ADARB2: variants seen among roughly 807,000 people sequenced by gnomAD.
The protein encoded by ADARB2 is inactive double-stranded RNA-specific editase B2.
ADARB2 carries 25 observed loss-of-function variants against 62.2 expected under a neutral mutation model. That is an observed-to-expected ratio of 0.40 (90% CI 0.29 to 0.56). ADARB2 has a LOEUF of 0.56. Ranked by LOEUF, ADARB2 falls within the 20% of genes least tolerant of loss-of-function variation. The pLI, the probability that ADARB2 is intolerant of heterozygous loss-of-function variation, is 0.43. For synonymous variants in ADARB2, 572 were observed against 500.8 expected, an observed-to-expected ratio of 1.14 and a Z score of -1.90; for missense variants, 1,071 against 1,077.4, an observed-to-expected ratio of 0.99 and a Z score of 0.08.
chr10:1,623,012 G>A (rs1322450459), intron 1 of ADARB2, among the ~76,000 whole-genome samples: 1 of 152,122 alleles, frequency 6.6e-6, no homozygotes, highest in Non-Finnish European at 1.5e-5. Flanking sequence ...GCAAACTACG[G>A]ACACGCGCCC....
intron 3 of ADARB2, among the ~76,000 whole-genome samples, chr10:1,346,343 C>T (rs753613153): frequency 6.6e-6 from 1 of 152,162 alleles, no homozygotes; most frequent in African/African-American, 2.4e-5. Context: ...TCACCAACCG[C>T]GAGAACCCCT....
chr10:1,675,474 T>C, intron 1 of ADARB2: 1 of 971,690 alleles, frequency 1.0e-6, no homozygotes, highest in East Asian at 1.2e-4. Context: ...GAGGTTTGGG[T>C]TTGGGGGTAC....
intron 3 of ADARB2, among the ~76,000 whole-genome samples, chr10:1,286,273 G>A (rs1335862748): frequency 2.0e-5 from 3 of 152,074 alleles, no homozygotes; most frequent in South Asian, 4.1e-4. Flanking sequence ...AACACAAACC[G>A]AAGCCTCCGG....
At chr10:1,680,067 C>G (rs1834515883) in intron 1 of ADARB2, among the ~76,000 whole-genome samples, 1 of 152,084 alleles carries the variant, frequency 6.6e-6, no homozygotes, top group Non-Finnish European at 1.5e-5. Flanking sequence ...AGCCTGTTTG[C>G]TTGGCACCCA....
chr10:1,612,452 T>C lies in ADARB2; in HGVS notation c.100+124599A>G, dbSNP rs141187981. Among the ~76,000 whole-genome samples the C allele has an allele frequency of 3.3e-5, 5 of 152,364 alleles. No individual in the cohort carries two copies. The East Asian group carries it at 5.8e-4, about 18-fold the overall frequency. On this transcript the variant is annotated intron_variant, in intron 1 of 9. Transcript: ENST00000381312. ...AAAGCAGCAGGTGGTCATGAAATGTTGTTGAAACAGAGGCTAAGACAGGGC... is the reference window on the plus strand; with the variant it reads ...AAAGCAGCAGGTGGTCATGAAATGTCGTTGAAACAGAGGCTAAGACAGGGC...
chr10:1,391,731 A>C (rs11598577), intron 1 of ADARB2, among the ~76,000 whole-genome samples: 5,453 of 151,766 alleles, frequency 0.036, 156 homozygotes, highest in Non-Finnish European at 0.051. Flanking sequence ...AAAAATGATA[A>C]TAAAATGATA....
intron 3 of ADARB2, among the ~76,000 whole-genome samples, chr10:1,327,730 TCCCACGG>T (rs1831883871): frequency 2.4e-5 from 1 of 41,280 alleles, no homozygotes; most frequent in Non-Finnish European, 5.3e-5. Context: ...GTTCAGCACC[TCCCACGG>T]CACAGCGCCT....
At chr10:1,340,625 A>G (rs1462910119) in intron 3 of ADARB2, among the ~76,000 whole-genome samples, 1 of 33,544 alleles carries the variant, frequency 3.0e-5, no homozygotes, top group African/African-American at 1.1e-4. Context: ...TCCACCAGAG[A>G]ACCACACACC....
chr10:1,371,895 G>C (rs978228668), intron 2 of ADARB2, among the ~76,000 whole-genome samples: 12 of 56,878 alleles, frequency 2.1e-4, no homozygotes, highest in Admixed American at 1.5e-4. Flanking sequence ...TATGGAAAAC[G>C]GTACAGAGAT....
At chr10:1,665,337 C>T (rs925446283) in intron 1 of ADARB2, among the ~76,000 whole-genome samples, 2 of 152,262 alleles carry the variant, frequency 1.3e-5, no homozygotes, top group Non-Finnish European at 1.5e-5. Flanking sequence ...TGCGCAGACA[C>T]TGAGCGTGGC....
chr10:1,266,511 T>TGGGGGGGGGGGGGGGG (rs782182369), intron 4 of ADARB2, among the ~76,000 whole-genome samples: 3 of 128,442 alleles, frequency 2.3e-5, no homozygotes, highest in Admixed American at 8.1e-5. Context: ...TGGTGGGGGG[T>TGGGGGGGGGGGGGGGG]GGGGGGGGGG....
intron 1 of ADARB2, among the ~76,000 whole-genome samples, chr10:1,593,340 C>A (rs533419974): frequency 6.7e-6 from 1 of 148,560 alleles, no homozygotes; most frequent in East Asian, 2.1e-4. Context: ...TGGCCCAAAC[C>A]ACACTCTGTA....
intron 1 of ADARB2, among the ~76,000 whole-genome samples, chr10:1,638,592 G>A (rs1019767774): frequency 3.3e-5 from 5 of 151,928 alleles, no homozygotes; most frequent in African/African-American, 9.7e-5. Context: ...GCCAGACATC[G>A]TTCTCTGAGC....
intron 3 of ADARB2, among the ~76,000 whole-genome samples, chr10:1,278,043 C>T (rs903886555): frequency 2.0e-5 from 3 of 152,050 alleles, no homozygotes. Context: ...GATCTCGGCT[C>T]ACTGCAACCT....
intron 1 of ADARB2, among the ~76,000 whole-genome samples, chr10:1,482,484 C>T (rs1023596013): frequency 2.0e-5 from 3 of 152,036 alleles, no homozygotes; most frequent in South Asian, 2.1e-4. Flanking sequence ...TTGTCAAATT[C>T]GTAGAGACCA....
chr10:1,679,701 G>T (rs1232364275), intron 1 of ADARB2, among the ~76,000 whole-genome samples: 1 of 152,176 alleles, frequency 6.6e-6, no homozygotes, highest in East Asian at 1.9e-4. Flanking sequence ...TACAGCTGCA[G>T]ACTGTTCTGA....
chr10:1,544,356 T>C (rs1280492008), intron 1 of ADARB2, among the ~76,000 whole-genome samples: 2 of 152,216 alleles, frequency 1.3e-5, no homozygotes, highest in African/African-American at 2.4e-5. Flanking sequence ...TGTTGGGCTG[T>C]GTGCCACCTT....
chr10:1,209,710 C>G (rs2131748252), intron 7 of ADARB2, among the ~76,000 whole-genome samples: 1 of 152,158 alleles, frequency 6.6e-6, no homozygotes, highest in Non-Finnish European at 1.5e-5. Context: ...CCCACACCTA[C>G]AGCTTGGCCC....
intron 1 of ADARB2, among the ~76,000 whole-genome samples, chr10:1,428,862 C>T (rs759052981): frequency 1.7e-4 from 25 of 150,918 alleles, no homozygotes; most frequent in Non-Finnish European, 3.1e-4. Context: ...CATACACACA[C>T]GGACACACAC....
Sources: allele counts gnomAD v4.1 joint callset (sites outside exome capture counted in the v4.1 genomes callset), GRCh38; gene constraint gnomAD v4.1.1; transcripts MANE v1.5; gene names NCBI Gene and HGNC (gene_info 2026-07-23, HGNC 2026-07-21).